AKAP6: variants seen among roughly 807,000 people sequenced by gnomAD.
AKAP6 encodes the protein A-kinase anchoring protein 6.
In AKAP6, 58 loss-of-function variants were observed where a neutral mutation model predicts 188.5. The observed-to-expected ratio is 0.31, with a 90% CI of 0.25 to 0.38. The LOEUF is 0.38. AKAP6 is among the 10% of genes least tolerant of loss of function. AKAP6 has a pLI of 1.00. For missense variants in AKAP6, 2,710 were observed against 2,740.0 expected (o/e 0.99, Z 0.24); for synonymous variants, 989 against 998.6 (o/e 0.99, Z 0.18).
chr14:32,333,217 G>T (rs544231436), intron 1 of AKAP6, among the ~76,000 whole-genome samples: 1 of 152,248 alleles, frequency 6.6e-6, no homozygotes, highest in East Asian at 1.9e-4. Flanking sequence ...GACTACAGGA[G>T]TTAGGTTCCA....
In AKAP6 at chr14:32,699,000, T is replaced by C. The variant is rs184678425; in HGVS notation, c.3000+2890T>C. Reference sequence around the variant, plus strand: ...TCTCTGTATTTCATCACTCAACCCCTTTCCTGGAGTATTTATGCCCAAACC... The same window carrying C: ...TCTCTGTATTTCATCACTCAACCCCCTTCCTGGAGTATTTATGCCCAAACC... On this transcript the variant is annotated intron_variant, in intron 9 of 13. Transcript: ENST00000280979. 2.2e-3 allele frequency among the ~76,000 whole-genome samples: 341 copies of C among 152,234 alleles called. 2 individuals carry two copies. Among genetic ancestry groups the C allele is most frequent in the African/African-American group, 7.9e-3 (329 of 41,562 alleles).
intron 12 of AKAP6, among the ~76,000 whole-genome samples, chr14:32,814,755 G>A (rs1360094471): frequency 6.6e-6 from 1 of 152,018 alleles, no homozygotes; most frequent in Non-Finnish European, 1.5e-5. Flanking sequence ...TGGGGACAGG[G>A]TCTCACTGTG....
At chr14:32,388,877 CAGGGT>C (rs990677656) in intron 1 of AKAP6, among the ~76,000 whole-genome samples, 1 of 151,990 alleles carries the variant, frequency 6.6e-6, no homozygotes, top group African/African-American at 2.4e-5. Flanking sequence ...CCATTTGTTC[CAGGGT>C]ATAGTTTAAA....
chr14:32,572,248 C>T (rs1449806937), intron 4 of AKAP6, among the ~76,000 whole-genome samples: 9 of 152,204 alleles, frequency 5.9e-5, no homozygotes, highest in Non-Finnish European at 1.3e-4. Context: ...GTAAAATGAC[C>T]ATAATCAACA....
intron 12 of AKAP6, among the ~76,000 whole-genome samples, chr14:32,811,063 C>G (rs1228684549): frequency 6.6e-6 from 1 of 151,742 alleles, no homozygotes; most frequent in East Asian, 1.9e-4. Flanking sequence ...CATGGAGAAA[C>G]CCCGTCTCTA....
chr14:32,531,893 C>T (rs1882435749), intron 2 of AKAP6, among the ~76,000 whole-genome samples: 1 of 152,150 alleles, frequency 6.6e-6, no homozygotes, highest in Non-Finnish European at 1.5e-5. Context: ...CATTGAAGGA[C>T]CACTTACCCA....
intron 12 of AKAP6, among the ~76,000 whole-genome samples, chr14:32,800,083 A>C (rs1259597666): frequency 6.8e-6 from 1 of 146,752 alleles, no homozygotes; most frequent in Non-Finnish European, 1.5e-5. Context: ...AAATATATAT[A>C]TATACAAAAT....
intron 7 of AKAP6, among the ~76,000 whole-genome samples, chr14:32,646,107 T>C (rs890616588): frequency 6.6e-6 from 1 of 152,060 alleles, no homozygotes; most frequent in African/African-American, 2.4e-5. Context: ...GTTAAAGTCA[T>C]AGTTTTGAAG....
intron 9 of AKAP6, among the ~76,000 whole-genome samples, 193 bp from the exon 10 acceptor site, chr14:32,732,257 CTGTG>C (rs3830858): frequency 6.7e-6 from 1 of 150,008 alleles, no homozygotes; most frequent in African/African-American, 2.4e-5. Context: ...AATGTAATAA[CTGTG>C]TGTGTGTGTG....
intron 7 of AKAP6, among the ~76,000 whole-genome samples, chr14:32,660,571 G>A (rs1410062181): frequency 6.6e-6 from 1 of 152,056 alleles, no homozygotes; most frequent in Non-Finnish European, 1.5e-5. Context: ...AGTGACTTTA[G>A]AGCCTGGCCA....
At chr14:32,657,017 A>C (rs927060) in intron 7 of AKAP6, among the ~76,000 whole-genome samples, 100,318 of 152,022 alleles carry the variant, frequency 0.66, 34,266 homozygotes, top group East Asian at 0.94. Flanking sequence ...AGAATAGGGG[A>C]AGAATTTGAT....
chr14:32,678,595 T>C (rs1389600083), intron 8 of AKAP6, 136 bp downstream of exon 8: 2 of 981,018 alleles, frequency 2.0e-6, no homozygotes, highest in Non-Finnish European at 3.0e-6. Context: ...GCATTAATGT[T>C]CTTTTCCATT....
At chr14:32,752,319 G>A (rs1481238262) in intron 11 of AKAP6, among the ~76,000 whole-genome samples, 1 of 152,192 alleles carries the variant, frequency 6.6e-6, no homozygotes, top group Non-Finnish European at 1.5e-5. Flanking sequence ...TGTCCTCAGT[G>A]TTCCAGAGCA....
At chr14:32,794,525 A>G (rs912809394) in intron 12 of AKAP6, among the ~76,000 whole-genome samples, 2 of 152,224 alleles carry the variant, frequency 1.3e-5, no homozygotes, top group Non-Finnish European at 1.5e-5. Flanking sequence ...GCATCACTGC[A>G]TTCCAGCCTG....
chr14:32,608,114 G>T (rs1217506172), intron 7 of AKAP6, among the ~76,000 whole-genome samples: 1 of 152,012 alleles, frequency 6.6e-6, no homozygotes, highest in Non-Finnish European at 1.5e-5. Context: ...TTTTTTAATG[G>T]TCTGCCACTC....
intron 1 of AKAP6, among the ~76,000 whole-genome samples, chr14:32,393,201 A>G (rs566838521): frequency 1.3e-5 from 2 of 152,296 alleles, no homozygotes; most frequent in South Asian, 4.1e-4. Context: ...AACATTATCA[A>G]TATTAAGACA....
chr14:32,419,092 C>T (rs1003313645), intron 1 of AKAP6, among the ~76,000 whole-genome samples: 41 of 152,122 alleles, frequency 2.7e-4, no homozygotes, highest in African/African-American at 9.2e-4. Flanking sequence ...GAAATTGATG[C>T]ATTTTAAGCA....
chr14:32,506,688 A>T (rs147483727), intron 2 of AKAP6, among the ~76,000 whole-genome samples: 307 of 152,138 alleles, frequency 2.0e-3, no homozygotes, highest in African/African-American at 7.1e-3. Context: ...ACCTGCTACC[A>T]CACCCGGCTA....
At chr14:32,337,338 G>T (rs1049694706) in intron 1 of AKAP6, among the ~76,000 whole-genome samples, 1 of 152,282 alleles carries the variant, frequency 6.6e-6, no homozygotes, top group Non-Finnish European at 1.5e-5. Flanking sequence ...ATTTCTTCAG[G>T]CTTGGCTAGT....
Sources: allele counts gnomAD v4.1 joint callset (sites outside exome capture counted in the v4.1 genomes callset), GRCh38; gene constraint gnomAD v4.1.1; transcripts MANE v1.5; gene names NCBI Gene and HGNC (gene_info 2026-07-23, HGNC 2026-07-21).